Variants in SFSWAP observed in about 807,000 individuals in gnomAD.
The protein encoded by SFSWAP is splicing factor, suppressor of white-apricot homolog.
In SFSWAP, 17 loss-of-function variants were observed where a neutral mutation model predicts 100.7. The observed-to-expected ratio is 0.17, with a 90% CI of 0.12 to 0.25. The LOEUF is 0.25. Among genes scored for constraint, SFSWAP ranks in the 10% least tolerant of loss-of-function variants. The pLI is 1.00. For synonymous variants in SFSWAP, 504 were observed against 510.1 expected, an observed-to-expected ratio of 0.99 and a Z score of 0.16; for missense variants, 1,005 against 1,262.6, an observed-to-expected ratio of 0.80 and a Z score of 3.09.
chr12:131,798,035 C>A (rs1199165799), intron 16 of SFSWAP, among the ~76,000 whole-genome samples: 2 of 152,186 alleles, frequency 1.3e-5, no homozygotes, highest in African/African-American at 4.8e-5. Context: ...AGAGGTGGCA[C>A]CTTTAGAGTT....
chr12:131,716,541 C>G (rs1877933197), intron 3 of SFSWAP, among the ~76,000 whole-genome samples: 2 of 152,166 alleles, frequency 1.3e-5, no homozygotes, highest in South Asian at 2.1e-4. Context: ...GATACTATAG[C>G]CACTTCACAA....
chr12:131,712,261 G>GT (rs1288669054), intron 1 of SFSWAP: 4 of 152,248 alleles, frequency 2.6e-5, no homozygotes, highest in African/African-American at 9.7e-5. Flanking sequence ...ATTATGGGCA[G>GT]TGGGGGCCTG....
At chr12:131,759,830 GTAAT>G (rs1882505171) in intron 11 of SFSWAP, among the ~76,000 whole-genome samples, 1 of 151,726 alleles carries the variant, frequency 6.6e-6, no homozygotes, top group African/African-American at 2.4e-5. Flanking sequence ...AAAGAAAATA[GTAAT>G]AGATGATGAG....
intron 3 of SFSWAP, among the ~76,000 whole-genome samples, chr12:131,716,101 C>G (rs1382502624): frequency 6.6e-6 from 1 of 152,192 alleles, no homozygotes; most frequent in Admixed American, 6.5e-5. Flanking sequence ...ATGGTTCTAC[C>G]CATCGGCACT....
intron 11 of SFSWAP, chr12:131,757,826 C>A (rs904025671): frequency 6.6e-6 from 1 of 152,212 alleles, no homozygotes; most frequent in South Asian, 2.1e-4. Flanking sequence ...TCACCCTTCC[C>A]GGCCACCCGC....
rs889924854 is a variant in SFSWAP, at chr12:131,719,493, C to G, written c.560C>G (p.Pro187Arg). The G allele has an allele frequency of 1.2e-6, 2 of 1,614,004 alleles. No individual in the cohort carries two copies. Among genetic ancestry groups the G allele is most frequent in the Non-Finnish European group, 1.7e-6 (2 of 1,179,992 alleles). Residue 187 changes from proline to arginine, a missense_variant, in exon 4 of 18, where the codon CCC (proline) becomes CGC (arginine). By Grantham distance (103) the Pro-to-Arg change is moderately radical (BLOSUM62 -2). Around this residue, in one of 7 missense-constraint regions of SFSWAP, gnomAD observed 237 missense variants for 337.0 expected, o/e 0.70. Coordinates refer to ENST00000261674, the MANE Select transcript of SFSWAP (RefSeq NM_004592.4). The part of the protein sequence containing the change: ...EAENLEENEE[P>R]FVAPLGLSVP... ...GAAAATTTAGAGGAAAATGAAGAGCCCTTCGTTGCCCCCTTAGGATTGAGC... is the reference window on the plus strand; with the variant it reads ...GAAAATTTAGAGGAAAATGAAGAGCGCTTCGTTGCCCCCTTAGGATTGAGC...
chr12:131,782,226 G>C (rs1201552650), intron 14 of SFSWAP, among the ~76,000 whole-genome samples: 1 of 152,238 alleles, frequency 6.6e-6, no homozygotes, highest in South Asian at 2.1e-4. Flanking sequence ...TCTGGGAACA[G>C]TGAGTGCGTG....
chr12:131,786,955 G>A (rs957164555), intron 15 of SFSWAP, among the ~76,000 whole-genome samples: 2 of 152,188 alleles, frequency 1.3e-5, no homozygotes, highest in Non-Finnish European at 1.5e-5. Flanking sequence ...CGGTCCTAAA[G>A]CCTCCTGGTC....
At chr12:131,751,703 G>C (rs1169497433) in intron 7 of SFSWAP, among the ~76,000 whole-genome samples, 1 of 152,204 alleles carries the variant, frequency 6.6e-6, no homozygotes, top group African/African-American at 2.4e-5. Context: ...TCAGTTCGTT[G>C]GTCCAGCACA....
intron 7 of SFSWAP, among the ~76,000 whole-genome samples, chr12:131,736,664 C>T (rs1341485232): frequency 1.3e-5 from 2 of 151,806 alleles, no homozygotes; most frequent in Admixed American, 6.5e-5. Flanking sequence ...TGTGAGGCTT[C>T]GTGTTACAGT....
At chr12:131,777,768 G>A (rs575544172) in intron 13 of SFSWAP, among the ~76,000 whole-genome samples, 3 of 152,252 alleles carry the variant, frequency 2.0e-5, no homozygotes, top group South Asian at 4.1e-4. Flanking sequence ...TTTTCCCAGC[G>A]TAGCATCTCT....
intron 7 of SFSWAP, among the ~76,000 whole-genome samples, chr12:131,749,075 T>C (rs1208814497): frequency 1.3e-5 from 2 of 152,220 alleles, no homozygotes; most frequent in Non-Finnish European, 2.9e-5. Context: ...CTTGAGATAC[T>C]AAAAACTTTA....
At chr12:131,756,444 G>T (rs1259911161) in intron 10 of SFSWAP, 29 bp from the exon 11 acceptor site, 1 of 1,604,838 alleles carries the variant, frequency 6.2e-7, no homozygotes, top group East Asian at 2.2e-5. Context: ...ATTTCCTGCT[G>T]ACAGTTTATA....
chr12:131,721,665 T>C (rs1045728823), intron 4 of SFSWAP, among the ~76,000 whole-genome samples: 2 of 152,252 alleles, frequency 1.3e-5, no homozygotes, highest in Non-Finnish European at 2.9e-5. Flanking sequence ...TAATTCCTAT[T>C]AAAATATTTA....
At chr12:131,786,669 CTG>C (rs1884917590) in intron 15 of SFSWAP, 81 bp downstream of exon 15, 5 of 1,452,782 alleles carry the variant, frequency 3.4e-6, no homozygotes, top group Non-Finnish European at 9.2e-7. Context: ...GGTCGGGTAT[CTG>C]TGAGCAGAGC....
chr12:131,768,257 C>T (rs1410830698), intron 13 of SFSWAP, among the ~76,000 whole-genome samples: 1 of 152,236 alleles, frequency 6.6e-6, no homozygotes, highest in African/African-American at 2.4e-5. Context: ...AGTGGCCCCA[C>T]GTGTCTTTTG....
In SFSWAP at chr12:131,778,433, T is replaced by C. The variant is rs190688547; in HGVS notation, c.2408+103T>C. 3.6e-5 allele frequency: 54 copies of C among 1,516,050 alleles called. No individual in the cohort carries two copies. The African/African-American group carries it at 4.7e-4, about 13-fold the overall frequency. 93.9% of individuals were successfully genotyped at this position (1,516,050 alleles called of 1,614,324 possible). A position where few individuals can be genotyped will look rare whatever the true frequency, so the allele number is the denominator to read the frequency against. ...AGAACGTTTAAAATCAGTGCCGCTTTCATTAAGCAGACGCGTGTATGCATG... is the reference window on the plus strand; with the variant it reads ...AGAACGTTTAAAATCAGTGCCGCTTCCATTAAGCAGACGCGTGTATGCATG... On this transcript the variant is annotated intron_variant, in intron 14 of 17. Transcript: ENST00000261674. The surrounding 1 kb of genome is among the most constrained non-coding windows in gnomAD (Gnocchi z 4.2).
rs1426061422 is a variant in SFSWAP at position 131,730,616 on chromosome 12, A to C, written c.1081+2188A>C. Among the ~76,000 whole-genome samples, 1 of 152,022 alleles carries C rather than the reference A, an allele frequency of 6.6e-6. No homozygotes were observed. The highest frequency in any genetic ancestry group is 1.9e-4 in the East Asian group (1 of 5,178). ...GGGTCAGAAGGCTTGGTACATTCCCAAGGGTTCACCGCAGGGCGGCCAGAG... is the reference window on the plus strand; with the variant it reads ...GGGTCAGAAGGCTTGGTACATTCCCCAGGGTTCACCGCAGGGCGGCCAGAG... On this transcript the variant is annotated intron_variant, in intron 7 of 17. Coordinates refer to ENST00000261674, the MANE Select transcript of SFSWAP (RefSeq NM_004592.4). The surrounding 1 kb of genome is among the most constrained non-coding windows in gnomAD (Gnocchi z 4.0).
chr12:131,727,539 G>A (rs1566009354), intron 6 of SFSWAP, among the ~76,000 whole-genome samples: 1 of 152,170 alleles, frequency 6.6e-6, no homozygotes, highest in Admixed American at 6.5e-5. Flanking sequence ...CAGCTACTCG[G>A]GAGGCTGAGG....
Sources: gnomAD v4.1 joint callset for allele counts (sites outside exome capture counted in the v4.1 genomes callset) on GRCh38, gnomAD v4.1.1 for gene constraint, gnomAD v4.1.1 regional missense constraint, Gnocchi (gnomAD v3.1) non-coding constraint, MANE v1.5 for transcripts, NCBI Gene and HGNC (gene_info 2026-07-23, HGNC 2026-07-21) for gene names.